Variants in PCDHGA6 observed in about 807,000 individuals in gnomAD.
The protein encoded by PCDHGA6 is protocadherin gamma subfamily A, 6.
In PCDHGA6, 41 loss-of-function variants were observed where a neutral mutation model predicts 60.6. That is an observed-to-expected ratio of 0.68 (90% CI 0.53 to 0.88). The LOEUF is 0.88. PCDHGA6 is among the 40% of genes least tolerant of loss of function. The pLI, the probability that PCDHGA6 is intolerant of heterozygous loss-of-function variation, is 0.00. For missense variants in PCDHGA6, 1,312 were observed against 1,203.0 expected (o/e 1.09, Z -1.34); for synonymous variants, 594 against 524.4 (o/e 1.13, Z -1.81).
chr5:141,408,609 AG>A, intron 1 of PCDHGA6: 3 of 1,614,088 alleles, frequency 1.9e-6, no homozygotes, highest in Non-Finnish European at 1.7e-6. Context: ...TTTGATAAAA[AG>A]GAAATACATT....
rs775299266 is a variant in PCDHGA6, at chr5:141,432,192, AC to A, written c.2424+55689del. On this transcript the variant is annotated intron_variant, in intron 1 of 3. Transcript: ENST00000517434. The surrounding 1 kb of genome is among the most constrained non-coding windows in gnomAD (Gnocchi z 6.0). ...TCCCTCGTCTCTGTGACCGCCCACG[AC>A]CCCGACTGTGAAGAGAACGCCCAGA... 5 of 1,613,812 alleles carry A rather than the reference AC, an allele frequency of 3.1e-6. No individual in the cohort carries two copies. Among genetic ancestry groups the A allele is most frequent in the Non-Finnish European group, 4.2e-6 (5 of 1,179,996 alleles).
rs776677714 is a variant in PCDHGA6 at position 141,419,329 on chromosome 5, T to C, written c.2424+42822T>C. The C allele has an allele frequency of 7.4e-6, 12 of 1,613,842 alleles. 2 individuals carry two copies. The South Asian group carries it at 1.3e-4, about 18-fold the overall frequency. On this transcript the variant is annotated intron_variant, in intron 1 of 3. Coordinates refer to ENST00000517434, the MANE Select transcript of PCDHGA6 (RefSeq NM_018919.3). The stretch of plus-strand genomic sequence containing the variant: ...GGCTCAACGGCCGTGTCTCCTACTC[T>C]CTCATTGCCAGCGACCTGGAGTCAC...
At chr5:141,445,339 A>G (rs1450773291) in intron 1 of PCDHGA6, among the ~76,000 whole-genome samples, 1 of 152,152 alleles carries the variant, frequency 6.6e-6, no homozygotes, top group Non-Finnish European at 1.5e-5. Context: ...GAAACAGTAA[A>G]CATTGGTGTC....
At position 141,476,613 on chromosome 5, in the gene PCDHGA6, G is replaced by A; in HGVS notation, c.2425-18194G>A. On this transcript the variant is annotated intron_variant, in intron 1 of 3. Coordinates refer to ENST00000517434, the MANE Select transcript of PCDHGA6 (RefSeq NM_018919.3). This position sits in a 1 kb window ranked among gnomAD's most constrained non-coding sequence, Gnocchi z 7.6. ...AGCGCGCACGATCCCGATGTGGGAA[G>A]CAACTCTTTACAAACCTATGAGCTG... is the stretch of plus-strand genomic sequence containing the variant. 1 of 1,614,266 alleles carries A rather than the reference G, an allele frequency of 6.2e-7. No homozygotes were observed. The highest frequency in any genetic ancestry group is 1.3e-5 in the African/African-American group (1 of 75,078).
intron 1 of PCDHGA6, chr5:141,416,320 A>G (rs1482631457): frequency 1.3e-5 from 2 of 152,208 alleles, no homozygotes; most frequent in East Asian, 1.9e-4. Flanking sequence ...TAGCATTTTA[A>G]TTTAACTTTC....
chr5:141,462,036 G>A (rs760555655), intron 1 of PCDHGA6, among the ~76,000 whole-genome samples: 5 of 151,978 alleles, frequency 3.3e-5, no homozygotes, highest in African/African-American at 7.3e-5. Flanking sequence ...TTGGTCAGGC[G>A]GGTCTTGAAC....
rs193229261 is a variant in PCDHGA6, at chr5:141,446,714, G to A, written c.2425-48093G>A. ...GCTGGTCTCGAACTCTGATCTGCCCGCCTCGGCCTCCCAAAGTGTGGGGAT... is the reference window on the plus strand; with the variant it reads ...GCTGGTCTCGAACTCTGATCTGCCCACCTCGGCCTCCCAAAGTGTGGGGAT... On this transcript the variant is annotated intron_variant, in intron 1 of 3. Transcript: ENST00000517434. Among the ~76,000 whole-genome samples the A allele has an allele frequency of 3.3e-3, 497 of 152,154 alleles. 2 individuals are homozygous for A. Among genetic ancestry groups the A allele is most frequent in the African/African-American group, 0.011 (450 of 41,528 alleles).
chr5:141,394,661 C>T (rs1471316947), intron 1 of PCDHGA6: 1 of 1,613,378 alleles, frequency 6.2e-7, no homozygotes, highest in Non-Finnish European at 8.5e-7. Flanking sequence ...AGCCGGGACT[C>T]TTCTCGGTGG....
In PCDHGA6 at chr5:141,375,877, G is replaced by C. The variant is rs752155500; in HGVS notation, c.1794G>C (p.Ser598=). 3.1e-6 allele frequency: 5 copies of C among 1,613,794 alleles called. No homozygotes were observed. Among genetic ancestry groups the C allele is most frequent in the South Asian group, 1.1e-5 (1 of 91,080 alleles). ...AGGTGGTGGCGGTGGACAGAGACTCGGGCCAGAACGCCTGGCTGTCCTACC... is the reference window on the plus strand; with the variant it reads ...AGGTGGTGGCGGTGGACAGAGACTCCGGCCAGAACGCCTGGCTGTCCTACC... ...VTKVVAVDRD[S]GQNAWLSYRL... Residue 598 remains serine (S), a synonymous_variant, in exon 1 of 4, where the codon TCG becomes TCC. Transcript: ENST00000517434.
chr5:141,500,989 C>T (rs779352768), intron 2 of PCDHGA6, among the ~76,000 whole-genome samples: 1 of 152,040 alleles, frequency 6.6e-6, no homozygotes, highest in Non-Finnish European at 1.5e-5. Context: ...CTGCCTCAGC[C>T]TCCTGAGTAG....
At position 141,485,049 on chromosome 5, in the gene PCDHGA6, G is replaced by A; in HGVS notation, c.2425-9758G>A. The A allele has an allele frequency of 1.3e-6, 1 of 780,438 alleles. No individual in the cohort carries two copies. 48.3% of individuals were successfully genotyped at this position (780,438 alleles called of 1,614,324 possible). ...AACGGCGCGTAACCCTTGCGGCGCC[G>A]GCCGAACCGCGCCAGAGCTGGCGCG... On this transcript the variant is annotated intron_variant, in intron 1 of 3. Coordinates refer to ENST00000517434, the MANE Select transcript of PCDHGA6 (RefSeq NM_018919.3). This position sits in a 1 kb window ranked among gnomAD's most constrained non-coding sequence, Gnocchi z 5.7.
At position 141,489,481 on chromosome 5, in the gene PCDHGA6, A is replaced by C; in HGVS notation, c.2425-5326A>C. 6.2e-7 allele frequency: 1 copy of C among 1,614,040 alleles called. No homozygotes were observed. The highest frequency in any genetic ancestry group is 8.5e-7 in the Non-Finnish European group (1 of 1,180,004). ...GCGCTATTTTTCCCTGAGCTTGATG[A>C]GTGGTGCCCTGGCAGTGAATCAAAA... is the stretch of plus-strand genomic sequence containing the variant. On this transcript the variant is annotated intron_variant, in intron 1 of 3. Transcript: ENST00000517434. The surrounding 1 kb of genome is among the most constrained non-coding windows in gnomAD (Gnocchi z 4.5).
chr5:141,454,898 C>T (rs1426884791), intron 1 of PCDHGA6, among the ~76,000 whole-genome samples: 1 of 147,834 alleles, frequency 6.8e-6, no homozygotes, highest in Non-Finnish European at 1.5e-5. Flanking sequence ...AGCACCGCCT[C>T]CCGGGTTCAC....
chr5:141,394,588 T>C, intron 1 of PCDHGA6: 5 of 1,613,660 alleles, frequency 3.1e-6, no homozygotes, highest in Non-Finnish European at 4.2e-6. Flanking sequence ...ACCAAGGTGG[T>C]GGCGGTGGAC....
intron 1 of PCDHGA6, among the ~76,000 whole-genome samples, chr5:141,459,546 C>T (rs575349914): frequency 9.9e-5 from 15 of 152,102 alleles, no homozygotes; most frequent in African/African-American, 3.6e-4. Flanking sequence ...TTTTTTATTT[C>T]TCTTGGATAA....
At chr5:141,413,081 C>CAG in intron 1 of PCDHGA6, 1 of 1,339,426 alleles carries the variant, frequency 7.5e-7, no homozygotes, top group South Asian at 1.5e-5. Flanking sequence ...GCCCAGGCTA[C>CAG]AGAGACACCC....
intron 1 of PCDHGA6, chr5:141,404,077 C>T: frequency 6.2e-7 from 1 of 1,613,742 alleles, no homozygotes; most frequent in East Asian, 2.2e-5. Flanking sequence ...ATGACCGAGA[C>T]TCCGGGAAGA....
intron 1 of PCDHGA6, chr5:141,409,337 A>T: frequency 6.2e-7 from 1 of 1,614,012 alleles, no homozygotes; most frequent in Non-Finnish European, 8.5e-7. Flanking sequence ...TTTCGGAGGA[A>T]ATGGAGAAGT....
intron 1 of PCDHGA6, chr5:141,382,754 G>A: frequency 1.6e-6 from 1 of 636,380 alleles, no homozygotes; most frequent in East Asian, 2.7e-5. Context: ...ATTGCGATAA[G>A]CCCTCTTCCA....
Sources: allele counts gnomAD v4.1 joint callset (sites outside exome capture counted in the v4.1 genomes callset), GRCh38; gene constraint gnomAD v4.1.1; non-coding constraint Gnocchi (gnomAD v3.1); transcripts MANE v1.5; gene names NCBI Gene and HGNC (gene_info 2026-07-23, HGNC 2026-07-21).